Variants in NOS1AP observed in about 807,000 individuals in gnomAD.
NOS1AP encodes nitric oxide synthase 1 adaptor protein.
In NOS1AP, 21 loss-of-function variants were observed where a neutral mutation model predicts 56.2. The observed-to-expected ratio is 0.37, with a 90% confidence interval of 0.26 to 0.54. The LOEUF is 0.54. NOS1AP is among the 20% of genes least tolerant of loss of function. NOS1AP has a pLI of 0.84. For missense variants in NOS1AP, 522 were observed against 657.8 expected (o/e 0.79, Z 2.26); for synonymous variants, 270 against 274.6 (o/e 0.98, Z 0.17).
chr1:162,364,837 TGTGTA>T (rs1248897161), intron 8 of NOS1AP: 2 of 989,494 alleles, frequency 2.0e-6, no homozygotes, highest in Non-Finnish European at 2.4e-6. Context: ...TAAAAAGCCA[TGTGTA>T]GTGCTTCCTA....
intron 9 of NOS1AP, 33 bp downstream of exon 9, chr1:162,365,602 C>CT: frequency 6.2e-7 from 1 of 1,603,850 alleles, no homozygotes; most frequent in Middle Eastern, 1.9e-4. Context: ...CCTGCTTCCT[C>CT]TGTGAAGGCT....
chr1:162,165,262 G>A (rs568292938), intron 2 of NOS1AP, among the ~76,000 whole-genome samples: 14 of 152,150 alleles, frequency 9.2e-5, no homozygotes, highest in African/African-American at 2.4e-4. Flanking sequence ...CAGGGGTTGC[G>A]GTGAGCCAAG....
At chr1:162,224,852 A>G (rs1475996962) in intron 2 of NOS1AP, among the ~76,000 whole-genome samples, 1 of 152,200 alleles carries the variant, frequency 6.6e-6, no homozygotes, top group Non-Finnish European at 1.5e-5. Context: ...CCATGTCCTG[A>G]GGGTCACTGC....
At chr1:162,289,524 G>A (rs2101741327) in intron 3 of NOS1AP, among the ~76,000 whole-genome samples, 1 of 135,828 alleles carries the variant, frequency 7.4e-6, no homozygotes, top group South Asian at 2.4e-4. Context: ...GCCCAGGCTG[G>A]AGTGCAGTGG....
intron 4 of NOS1AP, among the ~76,000 whole-genome samples, chr1:162,315,122 T>C (rs925230288): frequency 7.9e-5 from 12 of 152,282 alleles, no homozygotes; most frequent in Admixed American, 4.6e-4. Flanking sequence ...TGGAATCACA[T>C]GGATGATGGG....
At chr1:162,090,027 T>C (rs947206659) in intron 1 of NOS1AP, among the ~76,000 whole-genome samples, 1 of 152,244 alleles carries the variant, frequency 6.6e-6, no homozygotes, top group African/African-American at 2.4e-5. Context: ...AGTTTTTAGT[T>C]CTTCAATAAT....
intron 1 of NOS1AP, among the ~76,000 whole-genome samples, chr1:162,106,996 C>T (rs1175046862): frequency 1.4e-5 from 2 of 144,460 alleles, no homozygotes; most frequent in Admixed American, 1.3e-4. Context: ...TAGCAAAAAG[C>T]TGCAATGACT....
At chr1:162,216,428 A>T (rs1652569911) in intron 2 of NOS1AP, among the ~76,000 whole-genome samples, 3 of 152,224 alleles carry the variant, frequency 2.0e-5, no homozygotes. Flanking sequence ...AAGTGGTTTT[A>T]TCAGTGCCTA....
chr1:162,181,504 A>G lies in NOS1AP; in HGVS notation c.177+27028A>G, dbSNP rs527987632. ...TTACATTTTAGATAAGCTTATTTGC[A>G]TAATTTTTACTTCATTTTGAAAGAT... On this transcript the variant is annotated intron_variant, in intron 2 of 9. Transcript: ENST00000361897. 2.2e-3 allele frequency among the ~76,000 whole-genome samples: 332 copies of G among 152,254 alleles called. 1 individual carries two copies. Among genetic ancestry groups the G allele is most frequent in the Non-Finnish European group, 3.3e-3 (227 of 68,042 alleles).
intron 2 of NOS1AP, among the ~76,000 whole-genome samples, chr1:162,156,259 C>T (rs573711688): frequency 9.0e-4 from 137 of 152,262 alleles, no homozygotes; most frequent in African/African-American, 3.1e-3. Context: ...ACATTCACAG[C>T]AGGCTGTGAA....
chr1:162,075,963 G>A (rs533095913), intron 1 of NOS1AP, among the ~76,000 whole-genome samples: 7 of 152,190 alleles, frequency 4.6e-5, no homozygotes, highest in South Asian at 2.1e-4. Flanking sequence ...GCTTTCAGTC[G>A]TAGTTCCTTT....
In NOS1AP at chr1:162,324,828, A is replaced by C. The variant is rs189517784; in HGVS notation, c.345-8189A>C. Among the ~76,000 whole-genome samples, 9 of 152,316 alleles carry C rather than the reference A, an allele frequency of 5.9e-5. No homozygotes were observed. The East Asian group carries it at 1.7e-3, about 29-fold the overall frequency. ...ATTTGCATTTCTCTGCCTGCAGTTG[A>C]AGTGATGAGCTTGACTGTCTCTCGA... On this transcript the variant is annotated intron_variant, in intron 4 of 9. Coordinates refer to ENST00000361897, the MANE Select transcript of NOS1AP (RefSeq NM_014697.3).
chr1:162,289,237 C>CTTTCCTTCCTTCCT, intron 3 of NOS1AP, among the ~76,000 whole-genome samples: 1 of 60,740 alleles, frequency 1.6e-5, no homozygotes, highest in Non-Finnish European at 3.5e-5. Flanking sequence ...TCCTTCCTTC[C>CTTTCCTTCCTTCCT]TTCCTTCCTT....
intron 2 of NOS1AP, among the ~76,000 whole-genome samples, chr1:162,213,911 G>T (rs1192728836): frequency 6.6e-6 from 1 of 152,206 alleles, no homozygotes; most frequent in Non-Finnish European, 1.5e-5. Flanking sequence ...TCCGCTAGAA[G>T]TAACTTTACT....
At chr1:162,306,691 C>T (rs1571206640) in intron 4 of NOS1AP, among the ~76,000 whole-genome samples, 1 of 152,220 alleles carries the variant, frequency 6.6e-6, no homozygotes, top group Non-Finnish European at 1.5e-5. Flanking sequence ...AATCTCAGCA[C>T]TTTGGGCAGC....
At chr1:162,361,158 T>C (rs1014083304) in intron 8 of NOS1AP, among the ~76,000 whole-genome samples, 7 of 152,366 alleles carry the variant, frequency 4.6e-5, no homozygotes, top group Admixed American at 4.6e-4. Context: ...AGTACAACAT[T>C]CATTGCCAAA....
chr1:162,347,744 T>A (rs1657350394), intron 6 of NOS1AP, among the ~76,000 whole-genome samples: 1 of 152,238 alleles, frequency 6.6e-6, no homozygotes, highest in African/African-American at 2.4e-5. Flanking sequence ...GATCACTTCC[T>A]ATACTTTTCT....
At chr1:162,120,581 G>A (rs550997128) in intron 1 of NOS1AP, among the ~76,000 whole-genome samples, 142 of 152,312 alleles carry the variant, frequency 9.3e-4, no homozygotes, top group African/African-American at 3.2e-3. Flanking sequence ...CTTATGTGGC[G>A]ACAGGCAAGA....
Position 162,367,294 on chromosome 1 carries a change from G to C in NOS1AP, c.1348G>C (p.Gly450Arg), listed in dbSNP as rs756561151. ...CCCAGCGCAGGGCGAGGCGCTCCTGGGCGGTCTGGAGCTCATCAAGTTCCG... is the reference window on the plus strand; with the variant it reads ...CCCAGCGCAGGGCGAGGCGCTCCTGCGCGGTCTGGAGCTCATCAAGTTCCG... ...PPPAQGEALLGGLELIKFRES... is the reference protein window; with the variant it reads ...PPPAQGEALLRGLELIKFRES... Residue 450 changes from glycine (G) to arginine (R), a missense_variant, in exon 10 of 10, where the codon GGC becomes CGC. This residue lies in a region of NOS1AP where 160 missense variants were observed against 180.3 expected (regional missense o/e 0.89). Transcript: ENST00000361897. This position sits in a 1 kb window ranked among gnomAD's most constrained non-coding sequence, Gnocchi z 6.5. The C allele has an allele frequency of 2.9e-5, 46 of 1,613,450 alleles. No individual in the cohort carries two copies. The highest frequency in any genetic ancestry group is 3.8e-5 in the Non-Finnish European group (45 of 1,179,954).
Sources: gnomAD v4.1 joint callset for allele counts (sites outside exome capture counted in the v4.1 genomes callset) on GRCh38, gnomAD v4.1.1 for gene constraint, gnomAD v4.1.1 regional missense constraint, Gnocchi (gnomAD v3.1) non-coding constraint, MANE v1.5 for transcripts, NCBI Gene and HGNC (gene_info 2026-07-23, HGNC 2026-07-21) for gene names.